PALD1: variants seen among roughly 807,000 people sequenced by gnomAD.
The protein encoded by PALD1 is phosphatase domain containing paladin 1.
A neutral mutation model predicts 96.0 loss-of-function variants in PALD1; 57 were observed. The observed-to-expected ratio is 0.59, with a 90% CI of 0.48 to 0.74. PALD1 has a LOEUF of 0.74. PALD1 is among the 30% of genes least tolerant of loss of function. PALD1 has a pLI of 0.00. For missense variants in PALD1, 1,063 were observed against 1,143.7 expected (o/e 0.93, Z 1.02); for synonymous variants, 464 against 473.6 (o/e 0.98, Z 0.26).
At chr10:70,489,649 G>A (rs953100313) in intron 1 of PALD1, among the ~76,000 whole-genome samples, 1 of 152,156 alleles carries the variant, frequency 6.6e-6, no homozygotes, top group African/African-American at 2.4e-5. Flanking sequence ...TGGGTAATAC[G>A]TGGACTTCCA....
chr10:70,561,727 C>T (rs10999400), intron 18 of PALD1, among the ~76,000 whole-genome samples: 38,611 of 151,922 alleles, frequency 0.25, 5,331 homozygotes, highest in Non-Finnish European at 0.32. Context: ...TCACCTTTAC[C>T]CCTCCCCTAC....
chr10:70,564,768 G>C (rs1403942474), intron 19 of PALD1, among the ~76,000 whole-genome samples: 1 of 152,262 alleles, frequency 6.6e-6, no homozygotes, highest in Non-Finnish European at 1.5e-5. Flanking sequence ...TGAATGAGGA[G>C]GAGGGAGGGG....
chr10:70,549,139 G>C (rs563945937), intron 18 of PALD1, among the ~76,000 whole-genome samples: 1 of 151,170 alleles, frequency 6.6e-6, no homozygotes, highest in Non-Finnish European at 1.5e-5. Context: ...AATTTAGGAA[G>C]AACTGTTTTC....
At chr10:70,488,170 G>A (rs1846043046) in intron 1 of PALD1, among the ~76,000 whole-genome samples, 1 of 151,900 alleles carries the variant, frequency 6.6e-6, no homozygotes, top group Admixed American at 6.6e-5. Context: ...TGCCCAGGCT[G>A]CAGTGAAGTG....
chr10:70,465,583 A>G, the PALD1 span, among the ~76,000 whole-genome samples: 1 of 152,234 alleles, frequency 6.6e-6, no homozygotes, highest in Non-Finnish European at 1.5e-5. Context: ...TTAGTTTTAC[A>G]GGTGAGGGGC....
At chr10:70,478,626 C>G (rs1016559257), upstream of PALD1, among the ~76,000 whole-genome samples, 2 of 152,172 alleles carry the variant, frequency 1.3e-5, no homozygotes, top group Non-Finnish European at 2.9e-5. Context: ...ACGTGGCGCC[C>G]GCGTTCCTCC....
chr10:70,564,238 G>T, intron 18 of PALD1, 126 bp from the exon 19 acceptor site: 1 of 997,416 alleles, frequency 1.0e-6, no homozygotes, highest in Non-Finnish European at 1.5e-6. Flanking sequence ...AACCCAGGTG[G>T]AAGCAACGCC....
chr10:70,506,754 C>T (rs1293351365), intron 1 of PALD1, among the ~76,000 whole-genome samples: 1 of 152,104 alleles, frequency 6.6e-6, no homozygotes, highest in African/African-American at 2.4e-5. Context: ...ATCGAGAGAC[C>T]CAGGGGTCTC....
chr10:70,462,489 A>G, the PALD1 span, among the ~76,000 whole-genome samples: 1 of 152,250 alleles, frequency 6.6e-6, no homozygotes, highest in Non-Finnish European at 1.5e-5. Flanking sequence ...AGCTTTTATC[A>G]TTGAACAATT....
Position 70,541,460 on chromosome 10 carries a change from C to T in PALD1, c.2050-3C>T. ...TTCTGTCTCAGCAGCTGTCTTCCCT[C>T]AGGGCTTCCCCGAGGTGGGTGAGGA... On this transcript the variant is annotated splice_region_variant and splice_polypyrimidine_tract_variant and intron_variant, in intron 16 of 19. Coordinates refer to ENST00000263563, the MANE Select transcript of PALD1 (RefSeq NM_014431.3). The T allele has an allele frequency of 6.2e-7, 1 of 1,613,642 alleles. No individual in the cohort carries two copies. The highest frequency in any genetic ancestry group is 8.5e-7 in the Non-Finnish European group (1 of 1,179,674).
chr10:70,559,477 A>C (rs901984426), intron 18 of PALD1, among the ~76,000 whole-genome samples: 2 of 152,074 alleles, frequency 1.3e-5, no homozygotes, highest in Admixed American at 1.3e-4. Context: ...CTGTTTGTAC[A>C]GTCATTTAGG....
At chr10:70,507,074 T>C (rs1846404845) in intron 1 of PALD1, among the ~76,000 whole-genome samples, 1 of 152,050 alleles carries the variant, frequency 6.6e-6, no homozygotes, top group African/African-American at 2.4e-5. Flanking sequence ...AAAAAAATTA[T>C]CTTTCTATTA....
intron 1 of PALD1, among the ~76,000 whole-genome samples, chr10:70,493,162 C>T (rs1324479188): frequency 6.6e-6 from 1 of 152,172 alleles, no homozygotes; most frequent in Non-Finnish European, 1.5e-5. Context: ...CTGTGTTGCC[C>T]AGGTTGGAGT....
chr10:70,469,337 C>T, the PALD1 span, among the ~76,000 whole-genome samples: 1 of 152,168 alleles, frequency 6.6e-6, no homozygotes, highest in South Asian at 2.1e-4. Flanking sequence ...TCGTGTAACC[C>T]CTCCACCAGT....
intron 17 of PALD1, among the ~76,000 whole-genome samples, chr10:70,545,099 G>A (rs1847334472): frequency 6.6e-6 from 1 of 152,252 alleles, no homozygotes; most frequent in Admixed American, 6.5e-5. Flanking sequence ...CACTTAGTGG[G>A]GAGCAGGTGT....
At chr10:70,499,320 C>A (rs1589177066) in intron 1 of PALD1, among the ~76,000 whole-genome samples, 1 of 152,206 alleles carries the variant, frequency 6.6e-6, no homozygotes, top group East Asian at 1.9e-4. Context: ...GAGTGTGGAG[C>A]TGATTGGTGC....
rs542254353 is a variant in PALD1, at chr10:70,526,065, C to T, written c.114C>T (p.Phe38=). The change falls in exon 2 of 20, where the codon TTC becomes TTT. Residue 38 remains phenylalanine (F), a synonymous_variant. Coordinates refer to ENST00000263563, the MANE Select transcript of PALD1 (RefSeq NM_014431.3). The part of the protein sequence containing the change: ...DSRHSVSIHS[F]QSTSLHNSKA... The stretch of plus-strand genomic sequence containing the variant: ...GGCACTCCGTCAGCATCCACTCCTT[C>T]CAGAGCACTAGCTTGCATAACAGCA... The T allele has an allele frequency of 1.2e-6, 2 of 1,614,212 alleles. No individual in the cohort carries two copies. Among genetic ancestry groups the T allele is most frequent in the African/African-American group, 2.7e-5 (2 of 75,056 alleles).
In PALD1 at chr10:70,526,145, CA is replaced by C. The variant is rs748384918; in HGVS notation, c.185+10del. Reference sequence around the variant, plus strand: ...GCCCCTGTTGTGATCACGTGAGTGGCAGGGGGAGTGTGCCCATGTCCCTGGG... The same window carrying C: ...GCCCCTGTTGTGATCACGTGAGTGGCGGGGGAGTGTGCCCATGTCCCTGGG... On this transcript the variant is annotated intron_variant, in intron 2 of 19. Coordinates refer to ENST00000263563, the MANE Select transcript of PALD1 (RefSeq NM_014431.3). The C allele has an allele frequency of 3.7e-4, 602 of 1,611,610 alleles. No individual in the cohort carries two copies. Among genetic ancestry groups the C allele is most frequent in the Non-Finnish European group, 4.9e-4 (578 of 1,178,138 alleles).
At chr10:70,475,904 T>C (rs947246315), upstream of PALD1, among the ~76,000 whole-genome samples, 1 of 152,240 alleles carries the variant, frequency 6.6e-6, no homozygotes, top group African/African-American at 2.4e-5. Context: ...GCAGGTGCTT[T>C]GTGTGTGTGC....
Sources: allele counts gnomAD v4.1 joint callset (sites outside exome capture counted in the v4.1 genomes callset), GRCh38; gene constraint gnomAD v4.1.1; transcripts MANE v1.5; gene names NCBI Gene and HGNC (gene_info 2026-07-23, HGNC 2026-07-21).